The following ADGRB3 variants were observed in gnomAD, a reference collection of about 807,000 sequenced individuals.
The protein encoded by ADGRB3 is adhesion G protein-coupled receptor B3.
ADGRB3 carries 37 observed loss-of-function variants against 193.4 expected under a neutral mutation model. The ratio of observed to expected loss-of-function variants is 0.19; its 90% CI spans 0.15 to 0.25. The LOEUF (loss-of-function observed/expected upper bound fraction) is 0.25. ADGRB3 is among the 10% of genes least tolerant of loss of function. The pLI is 1.00. For synonymous variants in ADGRB3, 690 were observed against 644.2 expected, an observed-to-expected ratio of 1.07 and a Z score of -1.08; for missense variants, 1,637 against 1,852.9, an observed-to-expected ratio of 0.88 and a Z score of 2.14.
chr6:69,053,506 G>T (rs1771458714), intron 15 of ADGRB3, among the ~76,000 whole-genome samples: 1 of 152,176 alleles, frequency 6.6e-6, no homozygotes, highest in African/African-American at 2.4e-5. Context: ...AGAGTGGGTG[G>T]CTATGTGTGG....
rs766675094 is a variant in ADGRB3, at chr6:69,388,772, A to G, written c.4450A>G (p.Thr1484Ala). 8.1e-6 allele frequency: 13 copies of G among 1,613,458 alleles called. No homozygotes were observed. The African/African-American group carries it at 1.5e-4, about 18-fold the overall frequency. ...KNPSEYPHYTTINVLDTEAKD... is the reference protein window; with the variant it reads ...KNPSEYPHYTAINVLDTEAKD... ...CCCCAGTGAATACCCGCATTACACC[A>G]CAATCAATGTCTTAGACACAGAGGC... The change falls in exon 32 of 32, where the codon ACA becomes GCA. Residue 1484 changes from threonine to alanine, a missense_variant. By Grantham distance (58) the Thr-to-Ala change is moderately conservative (BLOSUM62 0). This residue lies in a region of ADGRB3 where 368 missense variants were observed against 367.4 expected (regional missense o/e 1.00). Coordinates refer to ENST00000370598, the MANE Select transcript of ADGRB3 (RefSeq NM_001704.3).
Position 68,912,901 on chromosome 6 carries a change from G to A in ADGRB3, c.758-17658G>A, listed in dbSNP as rs188667578. On this transcript the variant is annotated intron_variant, in intron 3 of 31. Transcript: ENST00000370598. ...ATGGGCTTAAAAAACGGCGCACCAG[G>A]AGATTATATCCTCCACCTGGCTCGG... is the stretch of plus-strand genomic sequence containing the variant. Among the ~76,000 whole-genome samples, 454 of 152,300 alleles carry A rather than the reference G, an allele frequency of 3.0e-3. 1 individual carries two copies. Among genetic ancestry groups the A allele is most frequent in the African/African-American group, 0.011 (446 of 41,562 alleles).
At chr6:68,644,764 T>A (rs1202065673) in intron 3 of ADGRB3, among the ~76,000 whole-genome samples, 1 of 152,146 alleles carries the variant, frequency 6.6e-6, no homozygotes, top group African/African-American at 2.4e-5. Context: ...GAAAGAAAAC[T>A]CCATTACATG....
At chr6:68,824,006 C>T (rs982022633) in intron 3 of ADGRB3, among the ~76,000 whole-genome samples, 9 of 152,100 alleles carry the variant, frequency 5.9e-5, no homozygotes, top group East Asian at 3.9e-4. Flanking sequence ...TTTACTGCTA[C>T]GTGCATCGCT....
At chr6:69,263,417 C>T (rs1766971437) in intron 20 of ADGRB3, among the ~76,000 whole-genome samples, 1 of 151,946 alleles carries the variant, frequency 6.6e-6, no homozygotes, top group Admixed American at 6.6e-5. Flanking sequence ...ATGACTTTTG[C>T]ATTTTGACAC....
chr6:69,291,197 T>C (rs1045356353), intron 20 of ADGRB3, among the ~76,000 whole-genome samples: 2 of 152,172 alleles, frequency 1.3e-5, no homozygotes, highest in African/African-American at 4.8e-5. Context: ...GTGCCCACCT[T>C]CATATAATTC....
chr6:68,852,723 T>G (rs1012846298), intron 3 of ADGRB3, among the ~76,000 whole-genome samples: 1 of 152,044 alleles, frequency 6.6e-6, no homozygotes, highest in South Asian at 2.1e-4. Flanking sequence ...ATGCTCAACA[T>G]TTTTTCTTTT....
chr6:69,262,413 G>A (rs922231801), intron 20 of ADGRB3, among the ~76,000 whole-genome samples: 3 of 151,628 alleles, frequency 2.0e-5, no homozygotes, highest in African/African-American at 7.3e-5. Context: ...TGTTCCCTTT[G>A]CTCTTATTAG....
intron 17 of ADGRB3, among the ~76,000 whole-genome samples, chr6:69,209,403 G>A (rs1426237031): frequency 6.6e-6 from 1 of 152,192 alleles, no homozygotes; most frequent in Non-Finnish European, 1.5e-5. Flanking sequence ...TAGGCCCCTA[G>A]AAATTTTACT....
chr6:69,143,321 C>G (rs1206669028), intron 17 of ADGRB3, among the ~76,000 whole-genome samples: 1 of 151,750 alleles, frequency 6.6e-6, no homozygotes, highest in South Asian at 2.1e-4. Context: ...AATATTTTCT[C>G]TCATTCTTTG....
chr6:69,150,478 C>T (rs62406798), intron 17 of ADGRB3, among the ~76,000 whole-genome samples: 17,934 of 152,124 alleles, frequency 0.12, 1,117 homozygotes, highest in African/African-American at 0.13. Flanking sequence ...GTGTATGCTT[C>T]CAGGCCTGGG....
chr6:68,670,730 T>G (rs1768930618), intron 3 of ADGRB3, among the ~76,000 whole-genome samples: 2 of 152,034 alleles, frequency 1.3e-5, no homozygotes, highest in African/African-American at 4.8e-5. Context: ...TAGGATAGCT[T>G]TAGCTTTTCT....
At chr6:68,718,725 A>G (rs1200655721) in intron 3 of ADGRB3, among the ~76,000 whole-genome samples, 5 of 151,898 alleles carry the variant, frequency 3.3e-5, no homozygotes, top group South Asian at 4.1e-4. Context: ...ATCACAGTAT[A>G]CCTTGTACTT....
intron 17 of ADGRB3, among the ~76,000 whole-genome samples, chr6:69,109,114 A>G (rs949159267): frequency 2.6e-5 from 4 of 152,188 alleles, no homozygotes; most frequent in African/African-American, 7.2e-5. Flanking sequence ...TAATAAAACT[A>G]CCCACCGTAG....
intron 13 of ADGRB3, 95 bp downstream of exon 13, chr6:69,018,594 A>G: frequency 3.8e-6 from 3 of 787,832 alleles, no homozygotes; most frequent in South Asian, 3.8e-5. Flanking sequence ...TTCATTATTC[A>G]TATGTTTAAC....
intron 20 of ADGRB3, among the ~76,000 whole-genome samples, chr6:69,245,756 G>C (rs1766486360): frequency 6.6e-6 from 1 of 151,898 alleles, no homozygotes; most frequent in African/African-American, 2.4e-5. Flanking sequence ...ACCTGCTCTG[G>C]GTTCCAGGAT....
chr6:69,034,285 T>C (rs1350539103), intron 13 of ADGRB3, among the ~76,000 whole-genome samples: 2 of 151,854 alleles, frequency 1.3e-5, no homozygotes, highest in Non-Finnish European at 2.9e-5. Context: ...CTTTTAATTT[T>C]CCCTAACTCC....
intron 3 of ADGRB3, among the ~76,000 whole-genome samples, chr6:68,649,100 T>C (rs1768285965): frequency 1.3e-5 from 2 of 152,190 alleles, no homozygotes; most frequent in African/African-American, 4.8e-5. Flanking sequence ...TCTTTTTAAA[T>C]AATTTTACTA....
intron 21 of ADGRB3, among the ~76,000 whole-genome samples, chr6:69,325,877 A>C (rs1768556491): frequency 6.6e-6 from 1 of 152,202 alleles, no homozygotes; most frequent in African/African-American, 2.4e-5. Context: ...TTAGGACTTT[A>C]TCCACAGACA....
Sources: gnomAD v4.1 joint callset for allele counts (sites outside exome capture counted in the v4.1 genomes callset) on GRCh38, gnomAD v4.1.1 for gene constraint, gnomAD v4.1.1 regional missense constraint, MANE v1.5 for transcripts, NCBI Gene and HGNC (gene_info 2026-07-23, HGNC 2026-07-21) for gene names.